Variants in TJP2 observed in about 807,000 individuals in gnomAD.
TJP2 encodes Friedreich ataxia region gene X104 (tight junction protein ZO-2).
Under a neutral mutation model 133.1 loss-of-function variants are expected in TJP2, and 91 were observed. The ratio of observed to expected loss-of-function variants is 0.68; its 90% confidence interval spans 0.58 to 0.81. The LOEUF is 0.81. Ranked by LOEUF, TJP2 falls within the 40% of genes least tolerant of loss-of-function variation. TJP2 has a pLI of 0.00. For missense variants in TJP2, 1,541 were observed against 1,565.6 expected (o/e 0.98, Z 0.26); for synonymous variants, 592 against 583.4 (o/e 1.01, Z -0.21).
rs150883816 is a variant in TJP2 at position 69,221,242 on chromosome 9, G to A, written c.698G>A (p.Arg233Gln). The A allele has an allele frequency of 3.4e-4, 550 of 1,607,412 alleles. 2 individuals carry two copies. In the African/African-American group the frequency reaches 6.5e-3, roughly 19 times the overall value. Reference protein sequence around the residue: ...RGLDHDFGPSRDRDRDRSRGR... With the variant: ...RGLDHDFGPSQDRDRDRSRGR... ...CTGGACCACGACTTTGGGCCATCCC[G>A]GGACCGGGACCGTGACCGCAGCCGC... Residue 233 changes from arginine to glutamine, a missense_variant, in exon 5 of 23, where the codon CGG becomes CAG. By Grantham distance (43) the Arg-to-Gln change is conservative. Transcript: ENST00000377245.
chr9:69,149,811 A>T (rs565279025), intron 1 of TJP2, among the ~76,000 whole-genome samples: 15 of 152,308 alleles, frequency 9.8e-5, no homozygotes, highest in African/African-American at 3.6e-4. Flanking sequence ...GTAAAACGAG[A>T]AAGTATTTGC....
In TJP2 at chr9:69,226,007, T is replaced by C. The variant is rs748409792; in HGVS notation, c.1057-15T>C. ...ATTTTATTGCATTTAACATTACCAT[T>C]TTTTATAAACACAGATCAATGGGAC... is the stretch of plus-strand genomic sequence containing the variant. On this transcript the variant is annotated splice_polypyrimidine_tract_variant and intron_variant, in intron 6 of 22. Transcript: ENST00000377245. 1.2e-6 allele frequency: 2 copies of C among 1,613,916 alleles called. No individual in the cohort carries two copies. Among genetic ancestry groups the C allele is most frequent in the Non-Finnish European group, 8.5e-7 (1 of 1,179,842 alleles).
intron 15 of TJP2, 69 bp from the exon 16 acceptor site, chr9:69,238,641 C>CTAGGT: frequency 8.1e-7 from 1 of 1,228,412 alleles, no homozygotes; most frequent in South Asian, 1.3e-5. Flanking sequence ...TTGCTTGATG[C>CTAGGT]TAGGTGGGAG....
At chr9:69,239,916 C>A in intron 16 of TJP2, 21 bp from the exon 17 acceptor site, 1 of 1,602,266 alleles carries the variant, frequency 6.2e-7, no homozygotes, top group Non-Finnish European at 8.6e-7. Context: ...ATTTCTCTAA[C>A]TTTTCCCCTT....
intron 16 of TJP2, among the ~76,000 whole-genome samples, chr9:69,239,045 C>T (rs1588137594): frequency 2.0e-5 from 3 of 151,988 alleles, no homozygotes; most frequent in East Asian, 1.9e-4. Flanking sequence ...AAAAATTAGC[C>T]GGGCACAGTG....
rs186938469 is a variant in TJP2, at chr9:69,218,057, T to G, written c.240-200T>G. The stretch of plus-strand genomic sequence containing the variant: ...TCCCAGATGATTTCCATTTAGACAC[T>G]CAGAATTGAGCTGTATGGCCCCCAG... On this transcript the variant is annotated intron_variant, in intron 3 of 22. Coordinates refer to ENST00000377245, the MANE Select transcript of TJP2 (RefSeq NM_004817.4). Among the ~76,000 whole-genome samples, 301 of 152,266 alleles carry G rather than the reference T, an allele frequency of 2.0e-3. 1 individual carries two copies. The highest frequency in any genetic ancestry group is 6.7e-3 in the African/African-American group (277 of 41,556).
chr9:69,207,612 T>C (rs560269579), intron 1 of TJP2, among the ~76,000 whole-genome samples: 1 of 152,208 alleles, frequency 6.6e-6, no homozygotes. Context: ...ATACCTTTAA[T>C]TCTGATATAT....
rs377744473 is a variant in TJP2 at position 69,226,090 on chromosome 9, A to G, written c.1125A>G (p.Gly375=). The part of the protein sequence containing the change: ...DARKLIEKSR[G]KLQLVVLRDS... ...GAAAATTGATAGAAAAGTCAAGAGG[A>G]AAACTACAGCTAGTGGTGTTGAGAG... Residue 375 remains glycine (G), a synonymous_variant, in exon 7 of 23, where the codon GGA becomes GGG. Transcript: ENST00000377245. The G allele has an allele frequency of 8.5e-5, 137 of 1,614,086 alleles. No homozygotes were observed. The highest frequency in any genetic ancestry group is 1.1e-4 in the Non-Finnish European group (125 of 1,180,046).
At position 69,249,438 on chromosome 9, in the gene TJP2, CT is replaced by C; in HGVS notation, c.2946del (p.Arg983GlyfsTer68). ...QMRRAASSDQ[L>X]RDNSPPPAFK... ...GAGGAGGGCTGCTAGCAGCGATCAA[CT>C]TAGGGACAATAGCCCGCCCCCAGCA... On this transcript the variant is annotated frameshift_variant, in exon 20 of 23. Transcript: ENST00000377245. LOFTEE classifies it high-confidence loss of function. 6.2e-7 allele frequency: 1 copy of C among 1,611,706 alleles called. No individual in the cohort carries two copies. Among genetic ancestry groups the C allele is most frequent in the African/African-American group, 1.3e-5 (1 of 75,022 alleles).
At chr9:69,140,957 C>T (rs1229115846) in intron 1 of TJP2, among the ~76,000 whole-genome samples, 1 of 152,202 alleles carries the variant, frequency 6.6e-6, no homozygotes, top group Non-Finnish European at 1.5e-5. Flanking sequence ...AGTGATTCTC[C>T]TGCCTTAGCT....
At chr9:69,122,161 G>A (rs1468591718) in intron 1 of TJP2, 1 of 152,232 alleles carries the variant, frequency 6.6e-6, no homozygotes, top group Admixed American at 6.5e-5. Flanking sequence ...CTCAAGGGAT[G>A]GAAACTGTTT....
chr9:69,225,474 A>AG, intron 6 of TJP2, 67 bp downstream of exon 6: 3 of 1,052,800 alleles, frequency 2.8e-6, no homozygotes, highest in Non-Finnish European at 4.4e-6. Flanking sequence ...GTCCACATTC[A>AG]GCACCCACAC....
intron 2 of TJP2, among the ~76,000 whole-genome samples, chr9:69,161,905 G>C (rs1305690542): frequency 2.0e-5 from 3 of 149,736 alleles, no homozygotes; most frequent in Non-Finnish European, 4.4e-5. Flanking sequence ...AAAATTAGCC[G>C]GCGTGGTGGT....
chr9:69,187,469 T>C (rs887712301), intron 1 of TJP2, among the ~76,000 whole-genome samples: 8 of 152,256 alleles, frequency 5.3e-5, no homozygotes, highest in Non-Finnish European at 8.8e-5. Flanking sequence ...ATTTGAGATA[T>C]ACTGACTATG....
At chr9:69,131,227 T>G (rs534860959) in intron 1 of TJP2, among the ~76,000 whole-genome samples, 13 of 152,308 alleles carry the variant, frequency 8.5e-5, no homozygotes, top group African/African-American at 3.1e-4. Flanking sequence ...TGTGTCCTTG[T>G]GTGTATTTGC....
chr9:69,184,976 C>G (rs1193995271), intron 1 of TJP2, among the ~76,000 whole-genome samples: 1 of 152,064 alleles, frequency 6.6e-6, no homozygotes, highest in African/African-American at 2.4e-5. Flanking sequence ...CCTTGAACTC[C>G]TGGGCTCAGG....
rs768366650 is a variant in TJP2 at position 69,237,960 on chromosome 9, G to T, written c.2262G>T (p.Trp754Cys). 1.9e-6 allele frequency: 3 copies of T among 1,612,462 alleles called. No individual in the cohort carries two copies. In the African/African-American group the frequency reaches 4.0e-5, roughly 22 times the overall value. ...AATTGGCTAATGAGTTACCTGACTG[G>T]TTTCAAACTGCTAGTAAGTCTGTCA... is the stretch of plus-strand genomic sequence containing the variant. Reference protein sequence around the residue: ...MEKLANELPDWFQTAKTEPKD... With the variant: ...MEKLANELPDCFQTAKTEPKD... Residue 754 changes from tryptophan (W) to cysteine (C), a missense_variant, in exon 15 of 23, where the codon TGG (tryptophan) becomes TGT (cysteine). Coordinates refer to ENST00000377245, the MANE Select transcript of TJP2 (RefSeq NM_004817.4).
In TJP2 at chr9:69,244,456, G is replaced by T. The variant is rs553418037; in HGVS notation, c.2567-2234G>T. Among the ~76,000 whole-genome samples, 5 of 152,248 alleles carry T rather than the reference G, an allele frequency of 3.3e-5. No individual in the cohort carries two copies. In the East Asian group the frequency reaches 9.7e-4, roughly 29 times the overall value. ...CCATACATGTCAGGGCTGGGCACACGTGCCCTCAGAACCTCAGTATTCCCA... is the reference window on the plus strand; with the variant it reads ...CCATACATGTCAGGGCTGGGCACACTTGCCCTCAGAACCTCAGTATTCCCA... On this transcript the variant is annotated intron_variant, in intron 17 of 22. Coordinates refer to ENST00000377245, the MANE Select transcript of TJP2 (RefSeq NM_004817.4).
intron 1 of TJP2, among the ~76,000 whole-genome samples, chr9:69,196,879 A>C (rs1047188004): frequency 2.0e-5 from 3 of 151,278 alleles, no homozygotes; most frequent in Non-Finnish European, 4.4e-5. Flanking sequence ...TTTATGTCAC[A>C]TAATTTGTCA....
Sources: gnomAD v4.1 joint callset for allele counts (sites outside exome capture counted in the v4.1 genomes callset) on GRCh38, gnomAD v4.1.1 for gene constraint, MANE v1.5 for transcripts, NCBI Gene and HGNC (gene_info 2026-07-23, HGNC 2026-07-21) for gene names.